WDR70: variants seen among roughly 807,000 people sequenced by gnomAD.
WDR70 encodes the protein WD repeat-containing protein 70.
WDR70 carries 53 observed loss-of-function variants against 88.6 expected under a neutral mutation model. The ratio of observed to expected loss-of-function variants is 0.60; its 90% CI spans 0.48 to 0.75. WDR70 has a LOEUF of 0.75. Ranked by LOEUF, WDR70 falls within the 30% of genes least tolerant of loss-of-function variation. WDR70 has a pLI of 0.00. For synonymous variants in WDR70, 280 were observed against 270.0 expected (o/e 1.04, Z -0.36); for missense variants, 610 against 823.2 (o/e 0.74, Z 3.17).
intron 13 of WDR70, among the ~76,000 whole-genome samples, chr5:37,719,378 CAAATT>C (rs1319666538): frequency 6.9e-6 from 1 of 144,774 alleles, no homozygotes; most frequent in Non-Finnish European, 1.5e-5. Flanking sequence ...CCCAAACTAT[CAAATT>C]AAATATATCT....
intron 3 of WDR70, among the ~76,000 whole-genome samples, chr5:37,386,019 TAGCC>T (rs1202735907): frequency 1.3e-5 from 2 of 151,458 alleles, no homozygotes; most frequent in African/African-American, 4.9e-5. Context: ...TTCACCCTGT[TAGCC>T]AGGATGGTCT....
chr5:37,535,682 T>G (rs933745932), intron 9 of WDR70, among the ~76,000 whole-genome samples: 1 of 152,220 alleles, frequency 6.6e-6, no homozygotes, highest in Admixed American at 6.5e-5. Flanking sequence ...TAGCTCATAA[T>G]AGTTAACATT....
intron 5 of WDR70, among the ~76,000 whole-genome samples, chr5:37,416,072 G>C (rs1404670404): frequency 6.6e-6 from 1 of 151,568 alleles, no homozygotes; most frequent in African/African-American, 2.4e-5. Context: ...GACGATGGGC[G>C]GCCAGGCAGA....
chr5:37,454,851 T>A (rs1738783785), intron 7 of WDR70, among the ~76,000 whole-genome samples: 1 of 152,214 alleles, frequency 6.6e-6, no homozygotes, highest in Non-Finnish European at 1.5e-5. Context: ...CTCATAAAGA[T>A]CTGAATTTGA....
intron 7 of WDR70, among the ~76,000 whole-genome samples, chr5:37,451,691 A>G (rs1738679335): frequency 6.6e-6 from 1 of 152,166 alleles, no homozygotes; most frequent in Admixed American, 6.5e-5. Context: ...TTTAATGCAG[A>G]TTTTTAAATG....
chr5:37,454,030 T>C (rs961260511), intron 7 of WDR70, among the ~76,000 whole-genome samples: 17 of 152,366 alleles, frequency 1.1e-4, no homozygotes, highest in Middle Eastern at 3.4e-3. Context: ...GTGTTTGGGA[T>C]ATACTTGGAA....
At chr5:37,660,505 C>T (rs1745672699) in intron 10 of WDR70, among the ~76,000 whole-genome samples, 1 of 151,070 alleles carries the variant, frequency 6.6e-6, no homozygotes, top group Admixed American at 6.6e-5. Flanking sequence ...ACACATTTAG[C>T]ATTATATTTT....
chr5:37,681,605 T>C lies in WDR70; in HGVS notation c.1093-16050T>C, dbSNP rs1746438994. 2.0e-5 allele frequency among the ~76,000 whole-genome samples: 3 copies of C among 152,168 alleles called. No individual in the cohort carries two copies. The South Asian group carries it at 6.2e-4, about 31-fold the overall frequency. ...CTTATTATTTTGAGGTATGTTTCTT[T>C]AATACCTAGTTTATTAAGAGTTTTT... is the stretch of plus-strand genomic sequence containing the variant. On this transcript the variant is annotated intron_variant, in intron 10 of 17. Transcript: ENST00000265107.
chr5:37,453,097 T>C (rs1440027119), intron 7 of WDR70, among the ~76,000 whole-genome samples: 9 of 152,242 alleles, frequency 5.9e-5, no homozygotes, highest in Non-Finnish European at 5.9e-5. Flanking sequence ...AAAATGCTTT[T>C]CTTTTGTTGT....
chr5:37,687,693 T>C (rs1746652867), intron 10 of WDR70, among the ~76,000 whole-genome samples: 1 of 151,844 alleles, frequency 6.6e-6, no homozygotes, highest in Non-Finnish European at 1.5e-5. Flanking sequence ...ATATTCTCAT[T>C]CCGTTCATTA....
At chr5:37,520,779 A>C (rs1741061679) in intron 9 of WDR70, among the ~76,000 whole-genome samples, 1 of 152,322 alleles carries the variant, frequency 6.6e-6, no homozygotes. Flanking sequence ...AATTACTTAA[A>C]TCTGATAAAA....
At chr5:37,612,784 A>G (rs886974102) in intron 10 of WDR70, among the ~76,000 whole-genome samples, 1 of 152,202 alleles carries the variant, frequency 6.6e-6, no homozygotes, top group Non-Finnish European at 1.5e-5. Flanking sequence ...ATAAGTAACA[A>G]TGCTATGGAC....
chr5:37,535,772 G>A (rs1741647505), intron 9 of WDR70, among the ~76,000 whole-genome samples: 1 of 152,114 alleles, frequency 6.6e-6, no homozygotes, highest in Admixed American at 6.5e-5. Context: ...TTTCTTCACA[G>A]CAGTCGGATA....
chr5:37,426,247 A>C (rs1184795163), intron 5 of WDR70, among the ~76,000 whole-genome samples: 1 of 152,246 alleles, frequency 6.6e-6, no homozygotes, highest in Non-Finnish European at 1.5e-5. Context: ...TATCAGAATT[A>C]GATGAAGTAA....
At chr5:37,691,058 A>T (rs1315247129) in intron 10 of WDR70, among the ~76,000 whole-genome samples, 3 of 152,214 alleles carry the variant, frequency 2.0e-5, no homozygotes, top group African/African-American at 7.2e-5. Flanking sequence ...AAACAAAAAA[A>T]AGCGGGGGTT....
chr5:37,686,970 A>C (rs574216335), intron 10 of WDR70, among the ~76,000 whole-genome samples: 6 of 150,696 alleles, frequency 4.0e-5, no homozygotes, highest in African/African-American at 1.5e-4. Flanking sequence ...TAATAATAAT[A>C]ATAATAATAA....
intron 9 of WDR70, among the ~76,000 whole-genome samples, chr5:37,596,597 A>G (rs189175339): frequency 1.1e-3 from 164 of 152,294 alleles, no homozygotes; most frequent in African/African-American, 3.8e-3. Flanking sequence ...TGTCAGAGCA[A>G]TAGAATAGAA....
At chr5:37,444,407 T>G (rs1464980687) in intron 7 of WDR70, among the ~76,000 whole-genome samples, 1 of 146,886 alleles carries the variant, frequency 6.8e-6, no homozygotes, top group Non-Finnish European at 1.5e-5. Context: ...GGCGAGATCT[T>G]GGCTCACTGC....
chr5:37,595,647 A>C (rs894742918), intron 9 of WDR70, among the ~76,000 whole-genome samples: 1 of 152,220 alleles, frequency 6.6e-6, no homozygotes, highest in Non-Finnish European at 1.5e-5. Context: ...ACAATTTTGA[A>C]AAGTACAAAA....
Sources: allele counts gnomAD v4.1 joint callset (sites outside exome capture counted in the v4.1 genomes callset), GRCh38; gene constraint gnomAD v4.1.1; transcripts MANE v1.5; gene names NCBI Gene and HGNC (gene_info 2026-07-23, HGNC 2026-07-21).